PYY: variants seen among roughly 807,000 people sequenced by gnomAD.
The protein encoded by PYY is peptide tyrosine tyrosine.
Under a neutral mutation model 10.3 loss-of-function variants are expected in PYY, and 12 were observed. The ratio of observed to expected loss-of-function variants is 1.17; its 90% CI spans 0.75 to 1.89. PYY has a LOEUF of 1.89. PYY is among the 40% of genes most tolerant of loss of function. The probability of loss-of-function intolerance (pLI) is 0.00; values close to 1 mark genes in which losing one functional copy is unlikely to be tolerated. For synonymous variants in PYY, 66 were observed against 62.0 expected (o/e 1.06, Z -0.30); for missense variants, 141 against 134.0 (o/e 1.05, Z -0.26).
Position 43,953,145 on chromosome 17 carries a change from A to G in PYY, c.233T>C (p.Phe78Ser), listed in dbSNP as rs2048643432. The G allele has an allele frequency of 6.2e-7, 1 of 1,613,664 alleles. No individual in the cohort carries two copies. Among genetic ancestry groups the G allele is most frequent in the South Asian group, 1.1e-5 (1 of 91,074 alleles). The change falls in exon 3 of 4, where the codon TTC (phenylalanine) becomes TCC (serine). Residue 78 changes from phenylalanine (F) to serine (S), a missense_variant. Coordinates refer to ENST00000692052, the MANE Select transcript of PYY (RefSeq NM_001394028.1). ...GGGGCGGTCCTCGCCGTCGGGGAAG[A>G]ACGTTTTGGAAAGAAGCGTGTCCGG... The part of the protein sequence containing the change: ...DGPDTLLSKT[F>S]FPDGEDRPVR...
chr17:43,974,959 G>A (rs1597850687), intron 1 of PYY, among the ~76,000 whole-genome samples: 1 of 152,126 alleles, frequency 6.6e-6, no homozygotes, highest in East Asian at 1.9e-4. Flanking sequence ...GAGCCCTGTG[G>A]TGCAAAGCCG....
At chr17:43,976,876 T>C (rs1181939010) in intron 1 of PYY, among the ~76,000 whole-genome samples, 1 of 152,190 alleles carries the variant, frequency 6.6e-6, no homozygotes. Context: ...AGGCAGGGGC[T>C]TCTGATCTTT....
At chr17:43,980,264 A>G (rs1340088278) in intron 1 of PYY, among the ~76,000 whole-genome samples, 1 of 147,394 alleles carries the variant, frequency 6.8e-6, no homozygotes, top group Non-Finnish European at 1.5e-5. Context: ...CCGGAGTTTA[A>G]GCAATTCTCT....
At chr17:43,961,602 G>A (rs142397248) in intron 2 of PYY, among the ~76,000 whole-genome samples, 14 of 152,080 alleles carry the variant, frequency 9.2e-5, no homozygotes, top group Non-Finnish European at 1.6e-4. Flanking sequence ...GTGCAGTGGC[G>A]CAATCTCAGC....
At chr17:43,990,919 C>T (rs2048952850) in intron 1 of PYY, among the ~76,000 whole-genome samples, 1 of 151,200 alleles carries the variant, frequency 6.6e-6, no homozygotes, top group African/African-American at 2.4e-5. Flanking sequence ...TCAGTATCTC[C>T]GAGTAGCTGG....
At chr17:43,990,559 T>TA (rs2048950231) in intron 1 of PYY, among the ~76,000 whole-genome samples, 1 of 152,014 alleles carries the variant, frequency 6.6e-6, no homozygotes, top group South Asian at 2.1e-4. Context: ...ATATTACTTC[T>TA]AATGGCAAAA....
chr17:43,984,309 C>A (rs540568513), intron 1 of PYY, among the ~76,000 whole-genome samples: 1 of 152,346 alleles, frequency 6.6e-6, no homozygotes, highest in African/African-American at 2.4e-5. Flanking sequence ...GCCCTCTACA[C>A]AGCCAGGGCC....
intron 1 of PYY, among the ~76,000 whole-genome samples, chr17:43,968,025 T>G (rs1002525159): frequency 1.5e-4 from 22 of 151,636 alleles, no homozygotes; most frequent in African/African-American, 4.4e-4. Context: ...TCCATGGGAG[T>G]AGCAGTGGTG....
intron 2 of PYY, among the ~76,000 whole-genome samples, chr17:43,962,600 G>GA (rs2048719906): frequency 6.6e-6 from 1 of 152,196 alleles, no homozygotes; most frequent in Admixed American, 6.5e-5. Context: ...AGACTGCCGG[G>GA]ACCAATTTGC....
chr17:43,984,392 C>A (rs2048902964), intron 1 of PYY, among the ~76,000 whole-genome samples: 1 of 152,228 alleles, frequency 6.6e-6, no homozygotes, highest in African/African-American at 2.4e-5. Flanking sequence ...CAGCTACCAT[C>A]GACACCACCC....
rs2048798202 is a variant in PYY at position 43,972,185 on chromosome 17, AT to A, written c.-462-5654del. 2.2e-5 allele frequency among the ~76,000 whole-genome samples: 3 copies of A among 135,826 alleles called. No individual in the cohort carries two copies. In the South Asian group the frequency reaches 7.1e-4, roughly 32 times the overall value. 89.1% of individuals were successfully genotyped at this position (135,826 alleles called of 152,430 possible). The stretch of plus-strand genomic sequence containing the variant: ...GTTACTTTAGTTATTTATTTATTTT[AT>A]TTTATTTTATTTATTTATTTATTTA... On this transcript the variant is annotated intron_variant, in intron 1 of 6. Transcript: ENST00000360085.
chr17:43,997,229 C>T (rs2048997594), intron 1 of PYY, among the ~76,000 whole-genome samples: 2 of 151,948 alleles, frequency 1.3e-5, no homozygotes, highest in Admixed American at 6.6e-5. Flanking sequence ...TTAGTAGAGA[C>T]AGGATTTCAC....
chr17:43,999,072 C>T (rs557770700), intron 1 of PYY, among the ~76,000 whole-genome samples: 5 of 152,096 alleles, frequency 3.3e-5, no homozygotes, highest in African/African-American at 1.2e-4. Context: ...TGTGGTTCTC[C>T]ATCAGGAAGA....
At chr17:43,980,273 C>T (rs905349731) in intron 1 of PYY, among the ~76,000 whole-genome samples, 11 of 145,050 alleles carry the variant, frequency 7.6e-5, no homozygotes, top group East Asian at 4.2e-4. Flanking sequence ...AAGCAATTCT[C>T]TTGCCTCTGC....
chr17:43,952,900 C>G lies in PYY; in HGVS notation c.*56G>C, dbSNP rs925799684. 3 of 1,503,228 alleles carry G rather than the reference C, an allele frequency of 2.0e-6. No individual in the cohort carries two copies. The African/African-American group carries it at 4.3e-5, about 21-fold the overall frequency. The allele number at this position is 1,503,228 out of a possible 1,614,324, so 93.1% of individuals were successfully genotyped here. On this transcript the variant is annotated 3_prime_UTR_variant, in exon 4 of 4. Coordinates refer to ENST00000692052, the MANE Select transcript of PYY (RefSeq NM_001394028.1). Reference sequence around the variant, plus strand: ...ATCCGGGTTTCTGGGGTCGGGAGTGCGTATGCAAATGACGTGGGCGTGGTT... The same window carrying G: ...ATCCGGGTTTCTGGGGTCGGGAGTGGGTATGCAAATGACGTGGGCGTGGTT...
chr17:43,986,268 AAAAAG>A (rs1317284799), intron 1 of PYY, among the ~76,000 whole-genome samples: 2 of 152,206 alleles, frequency 1.3e-5, no homozygotes, highest in African/African-American at 4.8e-5. Context: ...TGTCTCAAAA[AAAAAG>A]AAAAGAAAAG....
chr17:44,002,100 T>C (rs529843067), intron 1 of PYY, among the ~76,000 whole-genome samples: 15 of 152,282 alleles, frequency 9.9e-5, no homozygotes, highest in African/African-American at 3.4e-4. Context: ...CATTGCTTCA[T>C]GCTTTGCCTT....
At chr17:43,982,069 C>G (rs1407205016) in intron 1 of PYY, among the ~76,000 whole-genome samples, 1 of 152,160 alleles carries the variant, frequency 6.6e-6, no homozygotes, top group African/African-American at 2.4e-5. Flanking sequence ...GATCAAATTG[C>G]CTCTTCATGG....
Position 44,003,329 on chromosome 17 carries a change from T to G in PYY, c.-463+1062A>C, listed in dbSNP as rs539214847. 3.4e-3 allele frequency among the ~76,000 whole-genome samples: 523 copies of G among 152,266 alleles called. 4 individuals are homozygous for G. Among genetic ancestry groups the G allele is most frequent in the Admixed American group, 9.5e-3 (145 of 15,286 alleles). ...TTATGGCAAGTGATACTGGCCTAGT[T>G]ACAGACCTAACATGGATAAACTTTA... On this transcript the variant is annotated intron_variant, in intron 1 of 6. Coordinates refer to the PYY transcript ENST00000360085.
Sources: gnomAD v4.1 joint callset for allele counts (sites outside exome capture counted in the v4.1 genomes callset) on GRCh38, gnomAD v4.1.1 for gene constraint, MANE v1.5 for transcripts, NCBI Gene and HGNC (gene_info 2026-07-23, HGNC 2026-07-21) for gene names.